C12orf56: variants seen among roughly 807,000 people sequenced by gnomAD.
C12orf56 encodes the protein chromosome 12 open reading frame 56.
Under a neutral mutation model 69.9 loss-of-function variants are expected in C12orf56, and 71 were observed. That is an observed-to-expected ratio of 1.02 (90% CI 0.84 to 1.24). The LOEUF (loss-of-function observed/expected upper bound fraction) is 1.24. Ranked by LOEUF, C12orf56 falls within the 50% of genes most tolerant of loss-of-function variation. The pLI, the probability that C12orf56 is intolerant of heterozygous loss-of-function variation, is 0.00. For synonymous variants in C12orf56, 276 were observed against 274.1 expected, an observed-to-expected ratio of 1.01 and a Z score of -0.07; for missense variants, 732 against 738.5, an observed-to-expected ratio of 0.99 and a Z score of 0.10.
At chr12:64,353,101 CT>C in intron 1 of C12orf56, 45 bp from the exon 2 acceptor site, 1 of 1,569,958 alleles carries the variant, frequency 6.4e-7, no homozygotes. Flanking sequence ...AATACAACTG[CT>C]TACCTATTTT....
At chr12:64,342,514 G>T (rs915259195) in intron 2 of C12orf56, among the ~76,000 whole-genome samples, 1 of 152,214 alleles carries the variant, frequency 6.6e-6, no homozygotes, top group Non-Finnish European at 1.5e-5. Flanking sequence ...GGGGAGAGAA[G>T]GCAGGGTGGC....
intron 5 of C12orf56, among the ~76,000 whole-genome samples, chr12:64,305,109 T>C (rs1376952334): frequency 6.6e-6 from 1 of 152,164 alleles, no homozygotes; most frequent in Non-Finnish European, 1.5e-5. Flanking sequence ...GTCGCTCTTA[T>C]TAACCTGAAA....
chr12:64,376,216 T>C (rs758812050), intron 1 of C12orf56, among the ~76,000 whole-genome samples: 2 of 152,230 alleles, frequency 1.3e-5, no homozygotes, highest in Non-Finnish European at 2.9e-5. Context: ...CATATTCACC[T>C]GACCTCTTGC....
chr12:64,343,974 C>A (rs1026906164), intron 2 of C12orf56, among the ~76,000 whole-genome samples: 3 of 152,050 alleles, frequency 2.0e-5, no homozygotes, highest in African/African-American at 7.2e-5. Context: ...AGTCCAGGGG[C>A]CCACTGGACC....
chr12:64,340,218 T>A (rs2039057655), intron 2 of C12orf56, among the ~76,000 whole-genome samples: 1 of 152,094 alleles, frequency 6.6e-6, no homozygotes, highest in Non-Finnish European at 1.5e-5. Context: ...TTTCACATTT[T>A]TCTGCCTGCT....
At chr12:64,285,742 C>T (rs1325291477) in intron 7 of C12orf56, among the ~76,000 whole-genome samples, 29 of 151,994 alleles carry the variant, frequency 1.9e-4, no homozygotes, top group Admixed American at 1.2e-3. Flanking sequence ...GGGCAAAGAT[C>T]GTGCCACTGC....
chr12:64,365,698 TAATAC>T (rs895150872), intron 1 of C12orf56, among the ~76,000 whole-genome samples: 2 of 145,320 alleles, frequency 1.4e-5, no homozygotes, highest in African/African-American at 5.0e-5. Context: ...TTCTATTATA[TAATAC>T]AATATATAGT....
chr12:64,390,488 C>A lies in C12orf56; in HGVS notation c.78G>T (p.Pro26=), dbSNP rs758082028. ...RLDVFLRRHL[P]PEVYDAVRAY... ...CGCGGACCGCGTCGTAGACCTCGGG[C>A]GGCAGATGCCGCCGCAGGAACACAT... Residue 26 remains proline, a synonymous_variant, in exon 1 of 13, where the codon CCG becomes CCT. Transcript: ENST00000543942. 4.4e-6 allele frequency: 7 copies of A among 1,602,808 alleles called. No homozygotes were observed. The highest frequency in any genetic ancestry group is 4.5e-5 in the East Asian group (2 of 44,842).
intron 6 of C12orf56, among the ~76,000 whole-genome samples, chr12:64,295,057 A>G (rs1050088692): frequency 1.3e-5 from 2 of 151,874 alleles, no homozygotes; most frequent in African/African-American, 4.8e-5. Context: ...TAATTTTTGT[A>G]TTTTTAGTAA....
At chr12:64,367,180 T>TTATATAACATACAGTTTATATATTA (rs1555194343) in intron 1 of C12orf56, among the ~76,000 whole-genome samples, 84 of 6,712 alleles carry the variant, frequency 0.013, 32 homozygotes, top group Admixed American at 0.019. Context: ...AGTTTATATA[T>TTATATAACATACAGTTTATATATTA]TATATAACAT....
intron 6 of C12orf56, among the ~76,000 whole-genome samples, chr12:64,298,093 T>C (rs1234149070): frequency 6.6e-6 from 1 of 152,196 alleles, no homozygotes; most frequent in Non-Finnish European, 1.5e-5. Flanking sequence ...TGGCATGAGA[T>C]GGTATCTCAT....
At chr12:64,364,873 T>G (rs76308109) in intron 1 of C12orf56, among the ~76,000 whole-genome samples, 3,719 of 151,980 alleles carry the variant, frequency 0.024, 152 homozygotes, top group African/African-American at 0.086. Flanking sequence ...TCACCCCGCC[T>G]CCTTTGGGCA....
rs1300847692 is a variant in C12orf56, at chr12:64,270,524, A to AT, written c.1763+11dup. The stretch of plus-strand genomic sequence containing the variant: ...ATCTTACTGCAGATTAGATTCAGAC[A>AT]TTTTTTCTTACCTGAATTCTTCTCT... On this transcript the variant is annotated intron_variant, in intron 12 of 12. Transcript: ENST00000543942. The AT allele has an allele frequency of 3.3e-6, 5 of 1,513,014 alleles. No homozygotes were observed. Among genetic ancestry groups the AT allele is most frequent in the Non-Finnish European group, 4.4e-6 (5 of 1,129,230 alleles). The allele number at this position is 1,513,014 out of a possible 1,614,324, so 93.7% of individuals were successfully genotyped here.
At chr12:64,309,495 T>TTTTG (rs139454399) in intron 5 of C12orf56, among the ~76,000 whole-genome samples, 10 of 151,248 alleles carry the variant, frequency 6.6e-5, no homozygotes, top group African/African-American at 2.4e-4. Flanking sequence ...CACACTGTTT[T>TTTTG]TTTGTTTGTT....
intron 3 of C12orf56, among the ~76,000 whole-genome samples, chr12:64,320,056 C>T (rs981915743): frequency 1.3e-5 from 2 of 152,254 alleles, no homozygotes; most frequent in South Asian, 4.1e-4. Flanking sequence ...TCCAGTGAGA[C>T]GCCCAGTGCC....
intron 1 of C12orf56, among the ~76,000 whole-genome samples, chr12:64,380,734 G>A (rs1156990646): frequency 1.3e-5 from 2 of 152,146 alleles, no homozygotes; most frequent in South Asian, 4.1e-4. Flanking sequence ...TAAGGATCTC[G>A]AGTGTTCTAG....
At chr12:64,335,595 G>A (rs1379262191) in intron 2 of C12orf56, among the ~76,000 whole-genome samples, 2 of 152,126 alleles carry the variant, frequency 1.3e-5, no homozygotes, top group Non-Finnish European at 2.9e-5. Flanking sequence ...ACTTCACGAG[G>A]CTGAGGCAGG....
At chr12:64,285,184 TAAA>T (rs5798744) in intron 7 of C12orf56, among the ~76,000 whole-genome samples, 1 of 145,244 alleles carries the variant, frequency 6.9e-6, no homozygotes. Context: ...AGAACTTTTC[TAAA>T]AAAAAAAAAA....
chr12:64,372,186 G>A (rs1017596230), intron 1 of C12orf56, among the ~76,000 whole-genome samples: 1 of 152,054 alleles, frequency 6.6e-6, no homozygotes, highest in Non-Finnish European at 1.5e-5. Context: ...ATATGTTATA[G>A]TTGAGGAAAC....
Sources: allele counts gnomAD v4.1 joint callset (sites outside exome capture counted in the v4.1 genomes callset), GRCh38; gene constraint gnomAD v4.1.1; transcripts MANE v1.5; gene names NCBI Gene and HGNC (gene_info 2026-07-23, HGNC 2026-07-21).